The following USP43 variants were observed in gnomAD, a reference collection of about 807,000 sequenced individuals.
The protein encoded by USP43 is ubiquitin specific peptidase 43, also known as ubiquitin carboxyl-terminal hydrolase 43.
USP43 carries 33 observed loss-of-function variants against 90.7 expected under a neutral mutation model. That is an observed-to-expected ratio of 0.36 (90% CI 0.28 to 0.49). The LOEUF (loss-of-function observed/expected upper bound fraction) is 0.49, where lower values mean the gene tolerates loss of function less well. USP43 is among the 20% of genes least tolerant of loss of function. The pLI is 0.98. For missense variants in USP43, 1,274 were observed against 1,476.4 expected, an observed-to-expected ratio of 0.86 and a Z score of 2.25; for synonymous variants, 598 against 615.8, an observed-to-expected ratio of 0.97 and a Z score of 0.43.
At chr17:9,665,916 C>A (rs1311919015) in intron 2 of USP43, among the ~76,000 whole-genome samples, 1 of 152,150 alleles carries the variant, frequency 6.6e-6, no homozygotes, top group Non-Finnish European at 1.5e-5. Flanking sequence ...GGAACAGACT[C>A]TCATCTAGAG....
intron 4 of USP43, among the ~76,000 whole-genome samples, chr17:9,675,657 T>C (rs1314812772): frequency 6.6e-6 from 1 of 152,150 alleles, no homozygotes; most frequent in South Asian, 2.1e-4. Flanking sequence ...CCTCTTCCTA[T>C]TGACATCCCC....
chr17:9,675,011 G>A (rs760279312), intron 4 of USP43, 28 bp downstream of exon 4: 1 of 1,587,908 alleles, frequency 6.3e-7, no homozygotes, highest in South Asian at 1.1e-5. Flanking sequence ...CTTGCCCGGT[G>A]AACTTGACTT....
chr17:9,683,092 G>C, intron 7 of USP43, 134 bp downstream of exon 7: 1 of 1,178,728 alleles, frequency 8.5e-7, no homozygotes, highest in African/African-American at 1.5e-5. Context: ...GGTCCTTTCT[G>C]ATTAAGAGGA....
chr17:9,729,115 T>TC lies in USP43; in HGVS notation c.*125_*126insC. 1 of 1,064,396 alleles carries TC rather than the reference T, an allele frequency of 9.4e-7. No homozygotes were observed. The highest frequency in any genetic ancestry group is 1.2e-6 in the Non-Finnish European group (1 of 800,164). 65.9% of individuals were successfully genotyped at this position (1,064,396 alleles called of 1,614,324 possible). A position where few individuals can be genotyped will look rare whatever the true frequency, so the allele number is the denominator to read the frequency against. On this transcript the variant is annotated 3_prime_UTR_variant, in exon 15 of 15. Transcript: ENST00000285199. ...CTTGTAATCTCTAAAAAAAAATTTT[T>TC]TTTTTTTTGTGGTGGGGGGTCTCCA...
chr17:9,681,462 T>TTTTATATATATATA lies in USP43; in HGVS notation c.1105+1097_1105+1098insTTATATATATATAT, dbSNP rs1491455898. On this transcript the variant is annotated intron_variant, in intron 6 of 14. Transcript: ENST00000285199. ...TATAGATAAATATATATAAAATATA[T>TTTTATATATATATA]TATATATATATATATATATATATAT... Among the ~76,000 whole-genome samples the TTTTATATATATATA allele has an allele frequency of 1.1e-3, 20 of 18,574 alleles. 1 individual carries two copies. Among genetic ancestry groups the TTTTATATATATATA allele is most frequent in the African/African-American group, 3.4e-3 (13 of 3,820 alleles). 12.2% of individuals were successfully genotyped at this position (18,574 alleles called of 152,430 possible).
Position 9,681,165 on chromosome 17 carries a change from AATATATACTATATAATATACT to A in USP43, c.1105+805_1105+825del. On this transcript the variant is annotated intron_variant, in intron 6 of 14. Coordinates refer to ENST00000285199, the MANE Select transcript of USP43 (RefSeq NM_153210.5). ...ATATACTATATAATATATACTATAT[AATATATACTATATAATATACT>A]ATATAATATATACTATATAATATAT... Among the ~76,000 whole-genome samples, 2 of 66,804 alleles carry A rather than the reference AATATATACTATATAATATACT, an allele frequency of 3.0e-5. 1 individual carries two copies. The highest frequency in any genetic ancestry group is 1.8e-4 in the African/African-American group (2 of 11,240). 43.8% of individuals were successfully genotyped at this position (66,804 alleles called of 152,430 possible).
At position 9,691,448 on chromosome 17, in the gene USP43, G is replaced by GT. The variant is rs563574711; in HGVS notation, c.1354-1677dup. On this transcript the variant is annotated intron_variant, in intron 8 of 14. Coordinates refer to ENST00000285199, the MANE Select transcript of USP43 (RefSeq NM_153210.5). Reference sequence around the variant, plus strand: ...CATTTTTAAGGCTAAATAATATTCTGTTGTGTATATATCCCACATTTTGTT... The same window carrying GT: ...CATTTTTAAGGCTAAATAATATTCTGTTTGTGTATATATCCCACATTTTGTT... Among the ~76,000 whole-genome samples the GT allele has an allele frequency of 1.3e-4, 20 of 152,134 alleles. No individual in the cohort carries two copies. The East Asian group carries it at 3.7e-3, about 28-fold the overall frequency.
intron 14 of USP43, among the ~76,000 whole-genome samples, chr17:9,721,417 G>A (rs1005498215): frequency 2.6e-5 from 4 of 152,064 alleles, no homozygotes; most frequent in Admixed American, 6.6e-5. Flanking sequence ...GATTTTTGTG[G>A]ATTGTGATCC....
chr17:9,679,009 A>G (rs528952378), intron 5 of USP43, among the ~76,000 whole-genome samples: 41 of 152,084 alleles, frequency 2.7e-4, no homozygotes, highest in Non-Finnish European at 5.4e-4. Context: ...TGATTTAGAT[A>G]TTATTGTCCA....
chr17:9,691,200 C>T (rs1362464478), intron 8 of USP43, among the ~76,000 whole-genome samples: 3 of 151,554 alleles, frequency 2.0e-5, no homozygotes, highest in East Asian at 2.0e-4. Context: ...CTGCAACCTC[C>T]ACCTCCCAGA....
Position 9,686,776 on chromosome 17 carries a change from C to T in USP43, c.1242-22C>T. On this transcript the variant is annotated intron_variant, in intron 7 of 14. Coordinates refer to ENST00000285199, the MANE Select transcript of USP43 (RefSeq NM_153210.5). This position sits in a 1 kb window ranked among gnomAD's most constrained non-coding sequence, Gnocchi z 5.5. ...GCTGGTTTTTCCTTTGCTGGGATAA[C>T]CCGATTTCCTTGGATTTTCAGGTTT... 6.2e-7 allele frequency: 1 copy of T among 1,610,734 alleles called. No homozygotes were observed. The highest frequency in any genetic ancestry group is 8.5e-7 in the Non-Finnish European group (1 of 1,177,764).
chr17:9,687,534 A>G (rs1418613628), intron 8 of USP43, among the ~76,000 whole-genome samples: 2 of 152,228 alleles, frequency 1.3e-5, no homozygotes, highest in Non-Finnish European at 2.9e-5. Flanking sequence ...ATGTTTAAAA[A>G]CTATTGATTT....
In USP43 at chr17:9,717,539, G is replaced by A. The variant is rs367545674; in HGVS notation, c.2335+5407G>A. 1.1e-3 allele frequency among the ~76,000 whole-genome samples: 167 copies of A among 152,214 alleles called. 2 individuals carry two copies. Among genetic ancestry groups the A allele is most frequent in the African/African-American group, 3.9e-3 (163 of 41,520 alleles). On this transcript the variant is annotated intron_variant, in intron 14 of 14. Transcript: ENST00000285199. Reference sequence around the variant, plus strand: ...GAGAAAAAATAGTTGATTCCTGGCTGGGACTACTGGAGAATGCAGTTTGCT... The same window carrying A: ...GAGAAAAAATAGTTGATTCCTGGCTAGGACTACTGGAGAATGCAGTTTGCT...
At chr17:9,687,524 A>C (rs897229912) in intron 8 of USP43, among the ~76,000 whole-genome samples, 2 of 152,242 alleles carry the variant, frequency 1.3e-5, no homozygotes, top group African/African-American at 2.4e-5. Context: ...CAAAAACAGC[A>C]TGTTTAAAAA....
chr17:9,663,557 C>T (rs891068659), intron 2 of USP43, among the ~76,000 whole-genome samples: 3 of 150,250 alleles, frequency 2.0e-5, no homozygotes, highest in East Asian at 2.0e-4. Context: ...CTCAGCCTCC[C>T]GAAGTGCTGG....
chr17:9,712,678 G>A (rs1485596851), intron 14 of USP43, among the ~76,000 whole-genome samples: 1 of 152,182 alleles, frequency 6.6e-6, no homozygotes, highest in African/African-American at 2.4e-5. Flanking sequence ...CCCAGGAGTA[G>A]AGAGAGCAGG....
intron 14 of USP43, among the ~76,000 whole-genome samples, chr17:9,726,532 C>T (rs1219672156): frequency 6.6e-6 from 1 of 152,194 alleles, no homozygotes; most frequent in Non-Finnish European, 1.5e-5. Flanking sequence ...CTGCAGACAG[C>T]TTCATGTGTC....
chr17:9,687,267 G>A (rs1914649601), intron 8 of USP43, among the ~76,000 whole-genome samples: 1 of 151,146 alleles, frequency 6.6e-6, no homozygotes, highest in Non-Finnish European at 1.5e-5. Flanking sequence ...TCCCAATTTT[G>A]TATGTTTATG....
At chr17:9,672,157 C>T (rs753502194) in intron 3 of USP43, among the ~76,000 whole-genome samples, 13 of 152,022 alleles carry the variant, frequency 8.6e-5, no homozygotes, top group East Asian at 1.9e-4. Flanking sequence ...CCACCACGCC[C>T]GGCTAATTTT....
Sources: gnomAD v4.1 joint callset for allele counts (sites outside exome capture counted in the v4.1 genomes callset) on GRCh38, gnomAD v4.1.1 for gene constraint, Gnocchi (gnomAD v3.1) non-coding constraint, MANE v1.5 for transcripts, NCBI Gene and HGNC (gene_info 2026-07-23, HGNC 2026-07-21) for gene names.